Variants in SLC2A13 observed in about 807,000 individuals in gnomAD.
SLC2A13 encodes the protein solute carrier family 2 member 13.
A neutral mutation model predicts 64.4 loss-of-function variants in SLC2A13; 32 were observed. The observed-to-expected ratio is 0.50, with a 90% CI of 0.37 to 0.67. The LOEUF is 0.67. Ranked by LOEUF, SLC2A13 falls within the 30% of genes least tolerant of loss-of-function variation. The pLI, the probability that SLC2A13 is intolerant of heterozygous loss-of-function variation, is 0.00. For synonymous variants in SLC2A13, 338 were observed against 327.1 expected (o/e 1.03, Z -0.36); for missense variants, 743 against 829.2 (o/e 0.90, Z 1.28).
At chr12:39,835,509 C>T (rs190588917) in intron 6 of SLC2A13, among the ~76,000 whole-genome samples, 197 of 152,098 alleles carry the variant, frequency 1.3e-3, no homozygotes, top group Middle Eastern at 3.4e-3. Context: ...AAAGGAATTG[C>T]GGAATGAATT....
At chr12:39,963,023 A>C (rs1946441952) in intron 3 of SLC2A13, among the ~76,000 whole-genome samples, 1 of 152,246 alleles carries the variant, frequency 6.6e-6, no homozygotes, top group Non-Finnish European at 1.5e-5. Flanking sequence ...CCAATAGCTC[A>C]CGCCTGTAAT....
intron 4 of SLC2A13, among the ~76,000 whole-genome samples, chr12:39,896,374 A>C (rs1944881448): frequency 1.5e-5 from 2 of 132,102 alleles, no homozygotes; most frequent in African/African-American, 5.6e-5. Flanking sequence ...ATATGTATAC[A>C]TATATGTATG....
At chr12:40,032,618 T>C (rs920738310) in intron 2 of SLC2A13, among the ~76,000 whole-genome samples, 4 of 152,186 alleles carry the variant, frequency 2.6e-5, no homozygotes, top group Non-Finnish European at 4.4e-5. Flanking sequence ...CCTGCATTCC[T>C]GGGGCCAGAC....
chr12:39,819,369 T>C (rs953929814), intron 7 of SLC2A13, among the ~76,000 whole-genome samples: 12 of 152,276 alleles, frequency 7.9e-5, no homozygotes, highest in African/African-American at 2.6e-4. Context: ...TTAAAATATA[T>C]TAAGGTGGCA....
intron 2 of SLC2A13, among the ~76,000 whole-genome samples, chr12:40,038,814 T>C (rs931116485): frequency 7.9e-5 from 12 of 151,542 alleles, no homozygotes; most frequent in African/African-American, 2.9e-4. Context: ...GAAAGTAAAA[T>C]AATATGTATA....
chr12:40,094,177 C>A (rs1938859530), intron 1 of SLC2A13, among the ~76,000 whole-genome samples: 1 of 152,188 alleles, frequency 6.6e-6, no homozygotes, highest in African/African-American at 2.4e-5. Flanking sequence ...GCTTTTGGTG[C>A]AAGCCCCAGG....
Position 40,028,413 on chromosome 12 carries a change from C to A in SLC2A13, c.813G>T (p.Gln271His), listed in dbSNP as rs1417291751. 2 of 1,613,956 alleles carry A rather than the reference C, an allele frequency of 1.2e-6. No individual in the cohort carries two copies. Among genetic ancestry groups the A allele is most frequent in the Admixed American group, 1.7e-5 (1 of 59,984 alleles). ...ATAAAATTCTACGGGCCTTCTGAGT[C>A]TGTCCTTTCTGAATAAGCCATCGAG... ...ESPRWLIQKG[Q>H]TQKARRILSQ... Residue 271 changes from glutamine to histidine, a missense_variant, in exon 3 of 10, where the codon CAG becomes CAT. By Grantham distance (24) the Gln-to-His change is conservative. This residue lies in a region of SLC2A13 where 448 missense variants were observed against 447.4 expected (regional missense o/e 1.00). Coordinates refer to ENST00000280871, the MANE Select transcript of SLC2A13 (RefSeq NM_052885.4).
intron 4 of SLC2A13, among the ~76,000 whole-genome samples, chr12:39,872,445 A>G (rs1944081933): frequency 6.6e-6 from 1 of 151,986 alleles, no homozygotes; most frequent in Non-Finnish European, 1.5e-5. Context: ...AAAAGACACA[A>G]TGAGTAAGAC....
At chr12:39,928,085 T>C (rs1314889380) in intron 4 of SLC2A13, among the ~76,000 whole-genome samples, 1 of 152,212 alleles carries the variant, frequency 6.6e-6, no homozygotes. Context: ...CTTACATTAC[T>C]TCATCGAAAT....
intron 4 of SLC2A13, among the ~76,000 whole-genome samples, chr12:39,939,757 C>CT (rs1945986605): frequency 6.6e-6 from 1 of 152,270 alleles, no homozygotes; most frequent in Non-Finnish European, 1.5e-5. Flanking sequence ...GTACAATTTT[C>CT]TTTTTAGGCC....
At chr12:40,039,938 T>C (rs1948057609) in intron 2 of SLC2A13, among the ~76,000 whole-genome samples, 1 of 152,250 alleles carries the variant, frequency 6.6e-6, no homozygotes, top group Admixed American at 6.5e-5. Context: ...GTATTTTCAC[T>C]ATCCTAAATA....
intron 4 of SLC2A13, among the ~76,000 whole-genome samples, chr12:39,930,415 A>G (rs1329423005): frequency 6.6e-6 from 1 of 152,168 alleles, no homozygotes; most frequent in Non-Finnish European, 1.5e-5. Flanking sequence ...TAATCCAAAA[A>G]TGAGATATAA....
intron 4 of SLC2A13, among the ~76,000 whole-genome samples, chr12:39,877,888 G>A (rs1351701495): frequency 2.0e-5 from 3 of 152,112 alleles, no homozygotes; most frequent in African/African-American, 7.2e-5. Context: ...GCTGAGGTAG[G>A]GCATGGTGGG....
At chr12:39,919,584 T>G (rs188518795) in intron 4 of SLC2A13, among the ~76,000 whole-genome samples, 1 of 152,220 alleles carries the variant, frequency 6.6e-6, no homozygotes, top group African/African-American at 2.4e-5. Context: ...GGTATAGTTA[T>G]AGTAAACATG....
At chr12:39,925,409 T>C (rs1350676107) in intron 4 of SLC2A13, among the ~76,000 whole-genome samples, 1 of 152,152 alleles carries the variant, frequency 6.6e-6, no homozygotes, top group Non-Finnish European at 1.5e-5. Flanking sequence ...TTTAATTAAA[T>C]CTTTCAATTT....
intron 1 of SLC2A13, among the ~76,000 whole-genome samples, chr12:40,069,467 T>C (rs1313835361): frequency 1.3e-5 from 2 of 151,988 alleles, no homozygotes; most frequent in African/African-American, 2.4e-5. Context: ...AGAAATTAAG[T>C]CAGAGAAAAA....
At chr12:39,999,035 A>C (rs995121264) in intron 3 of SLC2A13, among the ~76,000 whole-genome samples, 3 of 152,186 alleles carry the variant, frequency 2.0e-5, no homozygotes, top group African/African-American at 7.2e-5. Context: ...TAAATTGTGA[A>C]GATTTCATGG....
At chr12:39,770,616 T>G (rs1940529544) in intron 7 of SLC2A13, among the ~76,000 whole-genome samples, 1 of 152,146 alleles carries the variant, frequency 6.6e-6, no homozygotes, top group Non-Finnish European at 1.5e-5. Context: ...ACATTAAATA[T>G]TCCCATCTGG....
chr12:39,920,485 T>G (rs545103161), intron 4 of SLC2A13, among the ~76,000 whole-genome samples: 1 of 152,244 alleles, frequency 6.6e-6, no homozygotes, highest in South Asian at 2.1e-4. Flanking sequence ...CTCTCTATCC[T>G]GATCAGAACT....
Sources: allele counts gnomAD v4.1 joint callset (sites outside exome capture counted in the v4.1 genomes callset), GRCh38; gene constraint gnomAD v4.1.1; regional missense constraint gnomAD v4.1.1; transcripts MANE v1.5; gene names NCBI Gene and HGNC (gene_info 2026-07-23, HGNC 2026-07-21).